Variants in MACROD2 observed in about 807,000 individuals in gnomAD.
The protein encoded by MACROD2 is ADP-ribose glycohydrolase MACROD2.
In MACROD2, 36 loss-of-function variants were observed where a neutral mutation model predicts 70.4. That is an observed-to-expected ratio of 0.51 (90% CI 0.39 to 0.68). MACROD2 has a LOEUF of 0.68. Ranked by LOEUF, MACROD2 falls within the 30% of genes least tolerant of loss-of-function variation. MACROD2 has a pLI of 0.00. For synonymous variants in MACROD2, 172 were observed against 178.8 expected (o/e 0.96, Z 0.30); for missense variants, 496 against 538.4 (o/e 0.92, Z 0.78).
intron 5 of MACROD2, among the ~76,000 whole-genome samples, chr20:14,795,410 A>C (rs2072498752): frequency 6.6e-6 from 1 of 152,090 alleles, no homozygotes; most frequent in East Asian, 1.9e-4. Context: ...TAACTTGGAC[A>C]TGAGCATGGG....
At chr20:14,158,623 G>T (rs1321756073) in intron 3 of MACROD2, among the ~76,000 whole-genome samples, 3 of 152,050 alleles carry the variant, frequency 2.0e-5, no homozygotes, top group African/African-American at 7.2e-5. Context: ...ATTGTTTTGT[G>T]TATGGATATC....
intron 5 of MACROD2, among the ~76,000 whole-genome samples, chr20:14,863,726 A>G (rs1786873287): frequency 6.6e-6 from 1 of 152,142 alleles, no homozygotes; most frequent in South Asian, 2.1e-4. Flanking sequence ...CATCCATTTT[A>G]TCCTCACATC....
chr20:14,713,050 T>A (rs545449651), intron 5 of MACROD2, among the ~76,000 whole-genome samples: 1 of 152,146 alleles, frequency 6.6e-6, no homozygotes, highest in Non-Finnish European at 1.5e-5. Flanking sequence ...ATTTGAGAAG[T>A]CAAGTCAATT....
At chr20:14,435,399 G>A (rs906379703) in intron 3 of MACROD2, among the ~76,000 whole-genome samples, 4 of 152,152 alleles carry the variant, frequency 2.6e-5, no homozygotes, top group Non-Finnish European at 4.4e-5. Context: ...CAAGTTTCCA[G>A]GCATTAGGAT....
chr20:15,493,574 T>C (rs2047258032), intron 7 of MACROD2, among the ~76,000 whole-genome samples: 1 of 152,220 alleles, frequency 6.6e-6, no homozygotes, highest in Non-Finnish European at 1.5e-5. Flanking sequence ...GCTAGAGTTC[T>C]AGTAAACATA....
intron 5 of MACROD2, among the ~76,000 whole-genome samples, chr20:15,227,826 T>TTG (rs1171348345): frequency 2.7e-5 from 3 of 111,594 alleles, no homozygotes; most frequent in South Asian, 3.0e-4. Flanking sequence ...TTCACCTGTT[T>TTG]TTTTTTTTTT....
intron 5 of MACROD2, among the ~76,000 whole-genome samples, chr20:14,784,685 C>G (rs2072346025): frequency 6.9e-6 from 1 of 144,544 alleles, no homozygotes; most frequent in Admixed American, 6.9e-5. Flanking sequence ...GGGGGGGCAC[C>G]AGATTCAGTT....
chr20:15,759,582 G>A (rs758863166), intron 8 of MACROD2, among the ~76,000 whole-genome samples: 6 of 152,078 alleles, frequency 3.9e-5, no homozygotes, highest in Admixed American at 6.6e-5. Context: ...CCCAAATTGC[G>A]CCTGCAACAA....
At chr20:15,085,871 AC>A (rs2075743926) in intron 5 of MACROD2, among the ~76,000 whole-genome samples, 1 of 109,114 alleles carries the variant, frequency 9.2e-6, no homozygotes, top group Non-Finnish European at 1.9e-5. Context: ...ACACACACAC[AC>A]AACACACACA....
At chr20:15,594,683 A>G (rs1432775299) in intron 8 of MACROD2, among the ~76,000 whole-genome samples, 1 of 152,186 alleles carries the variant, frequency 6.6e-6, no homozygotes, top group Non-Finnish European at 1.5e-5. Flanking sequence ...GTTAACTCCT[A>G]ACTTTAATGT....
At chr20:15,268,353 A>T (rs904316709) in intron 6 of MACROD2, among the ~76,000 whole-genome samples, 5 of 152,176 alleles carry the variant, frequency 3.3e-5, no homozygotes, top group Non-Finnish European at 5.9e-5. Flanking sequence ...TTAAAGTTTT[A>T]TTTAAAAATA....
chr20:14,664,528 C>T (rs12329593), intron 4 of MACROD2, among the ~76,000 whole-genome samples: 2,547 of 152,116 alleles, frequency 0.017, 57 homozygotes, highest in African/African-American at 0.057. Flanking sequence ...ATTATCAACA[C>T]GTTAGTTTTG....
chr20:15,164,107 C>G (rs182196033), intron 5 of MACROD2, among the ~76,000 whole-genome samples: 118 of 152,166 alleles, frequency 7.8e-4, no homozygotes, highest in Admixed American at 3.7e-3. Context: ...ACTCAAAGGA[C>G]ATACAGTGAG....
At chr20:14,594,847 G>A (rs1395386075) in intron 4 of MACROD2, among the ~76,000 whole-genome samples, 1 of 152,140 alleles carries the variant, frequency 6.6e-6, no homozygotes, top group Non-Finnish European at 1.5e-5. Flanking sequence ...AGCTGAGATT[G>A]CACCACTGCA....
intron 5 of MACROD2, among the ~76,000 whole-genome samples, chr20:15,125,995 TA>T (rs199604282): frequency 0.031 from 4,004 of 129,416 alleles, 114 homozygotes; most frequent in Middle Eastern, 0.13. Context: ...ATCTATGTTG[TA>T]GCATGTATCA....
intron 4 of MACROD2, among the ~76,000 whole-genome samples, chr20:14,631,540 G>A (rs1422043399): frequency 1.3e-5 from 2 of 152,202 alleles, no homozygotes; most frequent in Non-Finnish European, 2.9e-5. Context: ...GGAGGCCGAG[G>A]TGGGCAGATC....
intron 3 of MACROD2, among the ~76,000 whole-genome samples, chr20:14,145,082 A>G (rs6074695): frequency 0.73 from 110,904 of 152,034 alleles, 40,753 homozygotes; most frequent in East Asian, 0.81. Flanking sequence ...CCCTGTAACC[A>G]TGAGTGCCTT....
chr20:14,738,898 G>T (rs1311436219), intron 5 of MACROD2, among the ~76,000 whole-genome samples: 1 of 151,744 alleles, frequency 6.6e-6, no homozygotes, highest in Admixed American at 6.6e-5. Flanking sequence ...AATAGAAATA[G>T]ATTTCTGCTA....
intron 5 of MACROD2, among the ~76,000 whole-genome samples, chr20:14,872,424 AG>A (rs1430641483): frequency 6.6e-6 from 1 of 152,110 alleles, no homozygotes; most frequent in African/African-American, 2.4e-5. Context: ...AGGGAAAAAA[AG>A]GGTAAACAGC....
Sources: allele counts gnomAD v4.1 joint callset (sites outside exome capture counted in the v4.1 genomes callset), GRCh38; gene constraint gnomAD v4.1.1; transcripts MANE v1.5; gene names NCBI Gene and HGNC (gene_info 2026-07-23, HGNC 2026-07-21).